The following TMEM135 variants were observed in gnomAD, a reference collection of about 807,000 sequenced individuals.
TMEM135 encodes the protein transmembrane protein 135, also known as peroxisomal membrane protein 52.
A neutral mutation model predicts 60.3 loss-of-function variants in TMEM135; 30 were observed. The ratio of observed to expected loss-of-function variants is 0.50; its 90% CI spans 0.37 to 0.68. TMEM135 has a LOEUF of 0.68. Ranked by LOEUF, TMEM135 falls within the 30% of genes least tolerant of loss-of-function variation. The probability of loss-of-function intolerance (pLI) is 0.00; values close to 1 mark genes in which losing one functional copy is unlikely to be tolerated. For synonymous variants in TMEM135, 190 were observed against 186.7 expected, an observed-to-expected ratio of 1.02 and a Z score of -0.14; for missense variants, 468 against 548.8, an observed-to-expected ratio of 0.85 and a Z score of 1.47.
chr11:87,262,197 T>C (rs1424055430), intron 6 of TMEM135, among the ~76,000 whole-genome samples: 1 of 152,208 alleles, frequency 6.6e-6, no homozygotes, highest in East Asian at 1.9e-4. Flanking sequence ...ATCTTTGTGC[T>C]CCTGTTCCAG....
chr11:87,223,422 G>C (rs1940691584), intron 5 of TMEM135, among the ~76,000 whole-genome samples: 1 of 151,748 alleles, frequency 6.6e-6, no homozygotes, highest in Non-Finnish European at 1.5e-5. Context: ...TGCCTGCCTT[G>C]GTCTCCCAAA....
intron 3 of TMEM135, among the ~76,000 whole-genome samples, chr11:87,086,670 A>G (rs1290461515): frequency 1.3e-5 from 2 of 152,158 alleles, no homozygotes; most frequent in African/African-American, 2.4e-5. Context: ...AGACTACTCA[A>G]AGGTGGGCAT....
chr11:87,272,286 C>A (rs1350386907), intron 6 of TMEM135, among the ~76,000 whole-genome samples: 3 of 151,788 alleles, frequency 2.0e-5, no homozygotes, highest in African/African-American at 7.3e-5. Context: ...AAACTCCTGA[C>A]CTCAGGCAAT....
At chr11:87,146,241 T>G (rs1938411289) in intron 4 of TMEM135, among the ~76,000 whole-genome samples, 1 of 152,186 alleles carries the variant, frequency 6.6e-6, no homozygotes, top group Non-Finnish European at 1.5e-5. Context: ...GGAAGCCATG[T>G]GTGGTGGCAT....
At chr11:87,281,746 T>C (rs1942063709) in intron 6 of TMEM135, among the ~76,000 whole-genome samples, 2 of 152,210 alleles carry the variant, frequency 1.3e-5, no homozygotes, top group Admixed American at 6.5e-5. Context: ...TGAGTGGAAA[T>C]GATTTATGTA....
rs1938967523 is a variant in TMEM135 at position 87,164,060 on chromosome 11, A to G, written c.462+6654A>G. Among the ~76,000 whole-genome samples the G allele has an allele frequency of 9.1e-5, 12 of 131,930 alleles. No homozygotes were observed. In the South Asian group the frequency reaches 2.4e-3, roughly 26 times the overall value. 86.6% of individuals were successfully genotyped at this position (131,930 alleles called of 152,430 possible). A position where few individuals can be genotyped will look rare whatever the true frequency, so the allele number is the denominator to read the frequency against. ...TAGTTTAATCAGATCCCATTTGTCA[A>G]TTTTGTCTTTTGTTGCCATTGCTTT... On this transcript the variant is annotated intron_variant, in intron 5 of 14. Transcript: ENST00000305494.
At chr11:87,281,448 T>C (rs1458039250) in intron 6 of TMEM135, among the ~76,000 whole-genome samples, 1 of 152,224 alleles carries the variant, frequency 6.6e-6, no homozygotes, top group Non-Finnish European at 1.5e-5. Flanking sequence ...GACTATCCTA[T>C]TTCTGAAACC....
At chr11:87,213,239 T>G (rs1443262493) in intron 5 of TMEM135, among the ~76,000 whole-genome samples, 1 of 152,214 alleles carries the variant, frequency 6.6e-6, no homozygotes, top group Admixed American at 6.5e-5. Flanking sequence ...GAAATCAGGT[T>G]TCTTTGCCTG....
At chr11:87,271,180 A>T (rs1471271466) in intron 6 of TMEM135, among the ~76,000 whole-genome samples, 1 of 152,188 alleles carries the variant, frequency 6.6e-6, no homozygotes, top group East Asian at 1.9e-4. Flanking sequence ...CTTGAAAATT[A>T]TATACCACCA....
chr11:87,098,521 GTGT>G (rs1484702103), intron 4 of TMEM135, among the ~76,000 whole-genome samples: 9 of 152,152 alleles, frequency 5.9e-5, no homozygotes, highest in African/African-American at 9.6e-5. Context: ...CCAGCTCATG[GTGT>G]TGTAATCAGA....
chr11:87,189,311 C>G (rs1215641837), intron 5 of TMEM135, among the ~76,000 whole-genome samples: 1 of 152,088 alleles, frequency 6.6e-6, no homozygotes, highest in Non-Finnish European at 1.5e-5. Flanking sequence ...CAGGCATGTG[C>G]CACCATGCCT....
Position 87,324,971 on chromosome 11 carries a change from G to A in TMEM135, c.*3638G>A, listed in dbSNP as rs1395015825. 1 of 454,048 alleles carries A rather than the reference G, an allele frequency of 2.2e-6. No individual in the cohort carries two copies. 28.1% of individuals were successfully genotyped at this position (454,048 alleles called of 1,614,324 possible). ...ATTATTTTCTTTAGGGCTGCACTTT[G>A]AATGTGATGAGTAATAAGGTTACCT... On this transcript the variant is annotated 3_prime_UTR_variant, in exon 15 of 15. Transcript: ENST00000305494.
chr11:87,187,242 G>A lies in TMEM135; in HGVS notation c.462+29836G>A, dbSNP rs77515940. On this transcript the variant is annotated intron_variant, in intron 5 of 14. Coordinates refer to ENST00000305494, the MANE Select transcript of TMEM135 (RefSeq NM_022918.4). ...ACTTATGTGCCAGAGGTTACATAGC[G>A]GTGCTTCACAGAAAGTCTCCAAGGT... 8.3e-3 allele frequency among the ~76,000 whole-genome samples: 1,266 copies of A among 152,242 alleles called. 35 individuals are homozygous for A. In the South Asian group the frequency reaches 0.084, roughly 10 times the overall value.
chr11:87,282,911 C>T (rs1942094433), intron 6 of TMEM135, among the ~76,000 whole-genome samples: 1 of 152,112 alleles, frequency 6.6e-6, no homozygotes, highest in African/African-American at 2.4e-5. Flanking sequence ...TGTGTTGACT[C>T]TCCCAATTTC....
intron 4 of TMEM135, among the ~76,000 whole-genome samples, chr11:87,155,838 C>T (rs1475024322): frequency 1.3e-5 from 2 of 152,138 alleles, no homozygotes; most frequent in Non-Finnish European, 2.9e-5. Flanking sequence ...TTTAAGTATT[C>T]CATATCTTGA....
Position 87,324,125 on chromosome 11 carries a change from A to G in TMEM135, c.*2792A>G. 1 of 454,070 alleles carries G rather than the reference A, an allele frequency of 2.2e-6. No homozygotes were observed. Among genetic ancestry groups the G allele is most frequent in the Non-Finnish European group, 4.4e-6 (1 of 226,772 alleles). 28.1% of individuals were successfully genotyped at this position (454,070 alleles called of 1,614,324 possible). On this transcript the variant is annotated 3_prime_UTR_variant, in exon 15 of 15. Transcript: ENST00000305494. ...TGTGCTCGAGTGTTCGTCTCCTTGT[A>G]GATTGTATCTAGGCTAACATTTCAT...
intron 4 of TMEM135, among the ~76,000 whole-genome samples, chr11:87,119,349 A>G (rs1307107853): frequency 6.6e-6 from 1 of 152,168 alleles, no homozygotes; most frequent in Non-Finnish European, 1.5e-5. Flanking sequence ...TTATCTATTA[A>G]GTTTGCTGTC....
intron 3 of TMEM135, among the ~76,000 whole-genome samples, chr11:87,087,286 T>C (rs1857116225): frequency 9.8e-6 from 1 of 102,154 alleles, no homozygotes; most frequent in Non-Finnish European, 1.9e-5. Flanking sequence ...TTTGGTCTTA[T>C]TTTCAAAAAA....
In TMEM135 at chr11:87,202,905, C is replaced by T. The variant is rs185297150; in HGVS notation, c.463-33733C>T. On this transcript the variant is annotated intron_variant, in intron 5 of 14. Coordinates refer to ENST00000305494, the MANE Select transcript of TMEM135 (RefSeq NM_022918.4). ...AAAATTAGCTGGGCGTGGTGGCTGG[C>T]GCCTGTAGTCCCAGCTACTCGGGAG... Among the ~76,000 whole-genome samples the T allele has an allele frequency of 8.9e-3, 1,347 of 151,282 alleles. 9 individuals are homozygous for T. The highest frequency in any genetic ancestry group is 0.019 in the African/African-American group (781 of 41,228).
Sources: gnomAD v4.1 joint callset for allele counts (sites outside exome capture counted in the v4.1 genomes callset) on GRCh38, gnomAD v4.1.1 for gene constraint, MANE v1.5 for transcripts, NCBI Gene and HGNC (gene_info 2026-07-23, HGNC 2026-07-21) for gene names.